The following SNTG1 variants were observed in gnomAD, a reference collection of about 807,000 sequenced individuals.
SNTG1 encodes the protein gamma-1-syntrophin.
Under a neutral mutation model 74.7 loss-of-function variants are expected in SNTG1, and 39 were observed. The ratio of observed to expected loss-of-function variants is 0.52; its 90% CI spans 0.40 to 0.68. The LOEUF (loss-of-function observed/expected upper bound fraction) is 0.68. Among genes scored for constraint, SNTG1 ranks in the 30% least tolerant of loss-of-function variants. The pLI, the probability that SNTG1 is intolerant of heterozygous loss-of-function variation, is 0.00. For synonymous variants in SNTG1, 254 were observed against 217.1 expected (o/e 1.17, Z -1.49); for missense variants, 685 against 609.5 (o/e 1.12, Z -1.30).
chr8:49,913,108 C>T (rs1805720707), intron 1 of SNTG1, among the ~76,000 whole-genome samples: 1 of 152,172 alleles, frequency 6.6e-6, no homozygotes, highest in African/African-American at 2.4e-5. Context: ...AAAAAGGGTT[C>T]ACTGGGCAAA....
intron 2 of SNTG1, among the ~76,000 whole-genome samples, chr8:50,261,417 A>G (rs1222284855): frequency 5.9e-5 from 9 of 152,162 alleles, no homozygotes; most frequent in Non-Finnish European, 7.4e-5. Flanking sequence ...TTCGAAAAAT[A>G]GGAAAATGGT....
At chr8:50,348,318 T>G (rs958206982) in intron 2 of SNTG1, among the ~76,000 whole-genome samples, 1 of 152,132 alleles carries the variant, frequency 6.6e-6, no homozygotes, top group African/African-American at 2.4e-5. Context: ...GAAGGTAGGA[T>G]CCCAGGATGC....
intron 1 of SNTG1, among the ~76,000 whole-genome samples, chr8:50,021,999 A>C (rs1038649634): frequency 1.3e-5 from 2 of 151,910 alleles, no homozygotes; most frequent in African/African-American, 4.8e-5. Context: ...AAGAAGGAAA[A>C]ATGCATAGTT....
chr8:50,463,186 G>A (rs145842214), intron 8 of SNTG1, among the ~76,000 whole-genome samples: 5 of 152,228 alleles, frequency 3.3e-5, no homozygotes, highest in African/African-American at 9.6e-5. Context: ...CTGAAAACTT[G>A]AAGCCCTCAA....
At chr8:49,947,655 A>C (rs972058727) in intron 1 of SNTG1, among the ~76,000 whole-genome samples, 2 of 152,204 alleles carry the variant, frequency 1.3e-5, no homozygotes, top group Admixed American at 6.5e-5. Flanking sequence ...TTGCTAGAAG[A>C]CTTTTTAATC....
Position 49,951,611 on chromosome 8 carries a change from G to A in SNTG1, c.-103+39380G>A, listed in dbSNP as rs571975042. Among the ~76,000 whole-genome samples the A allele has an allele frequency of 2.6e-5, 4 of 151,738 alleles. No homozygotes were observed. In the South Asian group the frequency reaches 8.4e-4, roughly 32 times the overall value. Reference sequence around the variant, plus strand: ...TATCACACTCTGGGGACTGTGGTGGGGTGGGGGGAGCGGGGAGGGATAGCA... The same window carrying A: ...TATCACACTCTGGGGACTGTGGTGGAGTGGGGGGAGCGGGGAGGGATAGCA... On this transcript the variant is annotated intron_variant, in intron 1 of 18. Transcript: ENST00000642720.
At chr8:50,077,552 T>TTGTG (rs1822005022) in intron 1 of SNTG1, among the ~76,000 whole-genome samples, 2 of 152,190 alleles carry the variant, frequency 1.3e-5, no homozygotes, top group African/African-American at 4.8e-5. Context: ...TTTGTCTAAT[T>TTGTG]TGTGCATTTT....
intron 1 of SNTG1, among the ~76,000 whole-genome samples, chr8:50,059,055 C>T (rs1277619559): frequency 6.6e-6 from 1 of 152,046 alleles, no homozygotes; most frequent in Non-Finnish European, 1.5e-5. Context: ...AAGATTCATC[C>T]AAGTTGTTGC....
chr8:50,444,283 CT>C (rs1029609310), intron 5 of SNTG1, among the ~76,000 whole-genome samples: 5 of 152,030 alleles, frequency 3.3e-5, no homozygotes, highest in African/African-American at 1.2e-4. Flanking sequence ...AAATGTATGC[CT>C]TTTAACTTAT....
At chr8:50,213,018 G>A (rs923420224) in intron 2 of SNTG1, among the ~76,000 whole-genome samples, 6 of 152,252 alleles carry the variant, frequency 3.9e-5, no homozygotes, top group Admixed American at 3.3e-4. Flanking sequence ...CATTTCTTCT[G>A]CCTCTAAACT....
At chr8:50,668,495 C>CATTATTATT (rs67860057) in intron 15 of SNTG1, among the ~76,000 whole-genome samples, 168 of 145,296 alleles carry the variant, frequency 1.2e-3, no homozygotes, top group South Asian at 2.6e-3. Flanking sequence ...ATCTTTCGCA[C>CATTATTATT]ATTATTATTA....
intron 8 of SNTG1, among the ~76,000 whole-genome samples, chr8:50,467,289 A>T (rs2093616109): frequency 6.6e-6 from 1 of 151,930 alleles, no homozygotes; most frequent in Admixed American, 6.6e-5. Context: ...ACGAAACTCT[A>T]GATTTCGTGC....
At chr8:50,695,353 C>G (rs1158564526) in intron 15 of SNTG1, among the ~76,000 whole-genome samples, 1 of 151,756 alleles carries the variant, frequency 6.6e-6, no homozygotes, top group Non-Finnish European at 1.5e-5. Context: ...AATAGATACA[C>G]AAAATGCTTA....
intron 12 of SNTG1, among the ~76,000 whole-genome samples, chr8:50,569,902 G>T (rs1362748517): frequency 1.3e-5 from 2 of 152,134 alleles, no homozygotes; most frequent in African/African-American, 4.8e-5. Context: ...ATAAATAATT[G>T]CAGAGAGAGT....
chr8:50,468,037 A>G (rs1279568360), intron 8 of SNTG1, among the ~76,000 whole-genome samples: 1 of 151,778 alleles, frequency 6.6e-6, no homozygotes, highest in African/African-American at 2.4e-5. Flanking sequence ...AATAGTTAAA[A>G]TTTGTTTTCT....
intron 2 of SNTG1, among the ~76,000 whole-genome samples, chr8:50,213,162 G>A (rs1020886288): frequency 4.6e-5 from 7 of 152,092 alleles, no homozygotes; most frequent in East Asian, 1.9e-4. Flanking sequence ...GTGCATAGGC[G>A]GTGTGCCAAT....
At chr8:50,289,630 C>T (rs2088978982) in intron 2 of SNTG1, among the ~76,000 whole-genome samples, 1 of 152,180 alleles carries the variant, frequency 6.6e-6, no homozygotes, top group South Asian at 2.1e-4. Context: ...ATGTAAATGA[C>T]ACTGGACTGG....
At chr8:50,749,760 A>G (rs1321272898) in intron 17 of SNTG1, among the ~76,000 whole-genome samples, 1 of 152,050 alleles carries the variant, frequency 6.6e-6, no homozygotes, top group Non-Finnish European at 1.5e-5. Flanking sequence ...GAATATGTTA[A>G]GTCCACTATT....
rs554682427 is a variant in SNTG1, at chr8:50,058,940, G to T, written c.-102-113621G>T. On this transcript the variant is annotated intron_variant, in intron 1 of 18. Transcript: ENST00000642720. ...CTTAACCCCTAGTAAGCAATAAATT[G>T]TTCTCCATTTTCCAAACTTTGTCAT... Among the ~76,000 whole-genome samples, 496 of 152,040 alleles carry T rather than the reference G, an allele frequency of 3.3e-3. 6 individuals carry two copies. Among genetic ancestry groups the T allele is most frequent in the African/African-American group, 0.011 (468 of 41,486 alleles).
Sources: allele counts gnomAD v4.1 joint callset (sites outside exome capture counted in the v4.1 genomes callset), GRCh38; gene constraint gnomAD v4.1.1; transcripts MANE v1.5; gene names NCBI Gene and HGNC (gene_info 2026-07-23, HGNC 2026-07-21).